Variants in SNX29 observed in about 807,000 individuals in gnomAD.
SNX29 encodes the protein sorting nexin 29.
In SNX29, 78 loss-of-function variants were observed where a neutral mutation model predicts 102.1. The observed-to-expected ratio is 0.76, with a 90% CI of 0.64 to 0.92. SNX29 has a LOEUF of 0.92. Ranked by LOEUF, SNX29 falls within the 40% of genes least tolerant of loss-of-function variation. The pLI, the probability that SNX29 is intolerant of heterozygous loss-of-function variation, is 0.00. For synonymous variants in SNX29, 580 were observed against 414.5 expected, an observed-to-expected ratio of 1.40 and a Z score of -4.85; for missense variants, 1,280 against 1,061.7, an observed-to-expected ratio of 1.21 and a Z score of -2.86.
chr16:12,510,088 G>A (rs1013102026), intron 19 of SNX29, among the ~76,000 whole-genome samples: 4 of 152,200 alleles, frequency 2.6e-5, no homozygotes, highest in Non-Finnish European at 4.4e-5. Context: ...CTCTGCCTCC[G>A]GGACTGTTGA....
chr16:12,211,842 G>A (rs2077192783), intron 14 of SNX29, among the ~76,000 whole-genome samples: 1 of 152,130 alleles, frequency 6.6e-6, no homozygotes, highest in Non-Finnish European at 1.5e-5. Context: ...AAGATAATGT[G>A]CTTTACTGAT....
chr16:12,359,764 A>G, intron 16 of SNX29, among the ~76,000 whole-genome samples: 1 of 152,184 alleles, frequency 6.6e-6, no homozygotes, highest in Admixed American at 6.5e-5. Flanking sequence ...TTCATTCATA[A>G]ATACCCAATA....
intron 15 of SNX29, among the ~76,000 whole-genome samples, chr16:12,348,506 C>G (rs2081891260): frequency 6.6e-6 from 1 of 152,220 alleles, no homozygotes; most frequent in South Asian, 2.1e-4. Context: ...CAGCCATTCA[C>G]TGTGGCGTTG....
intron 13 of SNX29, among the ~76,000 whole-genome samples, chr16:12,156,801 G>A (rs960917782): frequency 1.3e-5 from 2 of 152,220 alleles, no homozygotes; most frequent in Non-Finnish European, 2.9e-5. Context: ...GGGAGTGCAG[G>A]AGCCCAGGGC....
At chr16:12,447,656 T>C (rs1395708992) in intron 18 of SNX29, among the ~76,000 whole-genome samples, 1 of 152,230 alleles carries the variant, frequency 6.6e-6, no homozygotes, top group Non-Finnish European at 1.5e-5. Flanking sequence ...AGGGGACTAA[T>C]TGGAGCCTTT....
At chr16:12,231,962 T>C (rs1178962668) in intron 14 of SNX29, among the ~76,000 whole-genome samples, 1 of 152,244 alleles carries the variant, frequency 6.6e-6, no homozygotes, top group African/African-American at 2.4e-5. Context: ...GGGTTTTTCC[T>C]CTGGGTTATG....
chr16:12,051,742 C>G (rs1377609940), intron 7 of SNX29, 105 bp from the exon 8 acceptor site: 14 of 1,453,840 alleles, frequency 9.6e-6, no homozygotes, highest in Admixed American at 2.5e-5. Flanking sequence ...CAGTGTATTT[C>G]TCACTCGAAT....
At chr16:12,122,103 A>G (rs1483051599) in intron 11 of SNX29, among the ~76,000 whole-genome samples, 5 of 152,188 alleles carry the variant, frequency 3.3e-5, no homozygotes, top group Non-Finnish European at 5.9e-5. Flanking sequence ...GGCGTGAGCC[A>G]CTGTGCCCGG....
At chr16:12,547,810 C>T (rs571585916) in intron 20 of SNX29, among the ~76,000 whole-genome samples, 2 of 152,322 alleles carry the variant, frequency 1.3e-5, no homozygotes, top group Admixed American at 6.5e-5. Flanking sequence ...CAAGAATGCT[C>T]TGCAGGGACA....
chr16:12,049,345 T>A (rs907524907), intron 7 of SNX29, among the ~76,000 whole-genome samples: 3 of 151,930 alleles, frequency 2.0e-5, no homozygotes, highest in Non-Finnish European at 4.4e-5. Context: ...TTTTTTTTTT[T>A]TTTTTGAGAC....
intron 20 of SNX29, among the ~76,000 whole-genome samples, chr16:12,559,926 T>C (rs1247628155): frequency 2.6e-5 from 4 of 151,824 alleles, no homozygotes; most frequent in African/African-American, 7.3e-5. Context: ...TTGCAGTGAG[T>C]CGAGATTACA....
At chr16:12,197,295 C>T (rs1020878797) in intron 13 of SNX29, among the ~76,000 whole-genome samples, 4 of 152,014 alleles carry the variant, frequency 2.6e-5, no homozygotes, top group Non-Finnish European at 5.9e-5. Context: ...ACAGGCTGGG[C>T]GTGGTGGCTC....
intron 11 of SNX29, chr16:12,088,217 C>T (rs2151386588): frequency 2.4e-6 from 1 of 423,236 alleles, no homozygotes; most frequent in East Asian, 7.1e-5. Flanking sequence ...AGGAACAGAT[C>T]TGGTCAGCTG....
chr16:12,540,838 C>A (rs920159995), intron 20 of SNX29, among the ~76,000 whole-genome samples: 2 of 152,172 alleles, frequency 1.3e-5, no homozygotes, highest in African/African-American at 2.4e-5. Context: ...GAAACAAGAT[C>A]GCCTCCACCC....
At chr16:12,005,726 T>C (rs766441153) in intron 3 of SNX29, among the ~76,000 whole-genome samples, 23 of 152,122 alleles carry the variant, frequency 1.5e-4, no homozygotes, top group Non-Finnish European at 3.4e-4. Context: ...TTCAAAATGC[T>C]CCAAAATTCA....
intron 20 of SNX29, among the ~76,000 whole-genome samples, chr16:12,567,933 G>A (rs558619594): frequency 7.9e-5 from 12 of 152,236 alleles, no homozygotes; most frequent in Middle Eastern, 3.4e-3. Flanking sequence ...GTGTGTTCGC[G>A]TTGCTTCAGA....
chr16:12,549,495 A>C (rs1168632555), intron 20 of SNX29, among the ~76,000 whole-genome samples: 1 of 75,070 alleles, frequency 1.3e-5, no homozygotes, highest in East Asian at 2.8e-3. Context: ...CCTCACACAT[A>C]CAAAGATGTT....
chr16:12,573,856 T>C lies in SNX29; in HGVS notation c.*5227T>C, dbSNP rs568849304. 1.6e-4 allele frequency: 33 copies of C among 211,558 alleles called. No individual in the cohort carries two copies. Among genetic ancestry groups the C allele is most frequent in the African/African-American group, 7.5e-4 (33 of 44,224 alleles). 13.1% of individuals were successfully genotyped at this position (211,558 alleles called of 1,614,324 possible). A position where few individuals can be genotyped will look rare whatever the true frequency, so the allele number is the denominator to read the frequency against. On this transcript the variant is annotated 3_prime_UTR_variant, in exon 21 of 21. Transcript: ENST00000566228. ...TATCCAGGACTCATCCTAAGAAGAA[T>C]GTTGGCCTCTCTTCATCCCTGGCTT...
At chr16:12,082,997 T>G (rs898909257) in intron 11 of SNX29, among the ~76,000 whole-genome samples, 1 of 152,080 alleles carries the variant, frequency 6.6e-6, no homozygotes, top group African/African-American at 2.4e-5. Flanking sequence ...ATAGGGTGGC[T>G]TCAACAACAA....
Sources: gnomAD v4.1 joint callset for allele counts (sites outside exome capture counted in the v4.1 genomes callset) on GRCh38, gnomAD v4.1.1 for gene constraint, MANE v1.5 for transcripts, NCBI Gene and HGNC (gene_info 2026-07-23, HGNC 2026-07-21) for gene names.